Variants in EBF1 observed in about 807,000 individuals in gnomAD.
EBF1 encodes the protein transcription factor COE1.
Under a neutral mutation model 68.4 loss-of-function variants are expected in EBF1, and 10 were observed. The observed-to-expected ratio is 0.15, with a 90% CI of 0.09 to 0.25. EBF1 has a LOEUF of 0.25. Ranked by LOEUF, EBF1 falls within the 10% of genes least tolerant of loss-of-function variation. The pLI, the probability that EBF1 is intolerant of heterozygous loss-of-function variation, is 1.00. For synonymous variants in EBF1, 298 were observed against 299.8 expected (o/e 0.99, Z 0.06); for missense variants, 509 against 794.4 (o/e 0.64, Z 4.32).
chr5:158,985,183 G>A lies in EBF1; in HGVS notation c.554+88213C>T, dbSNP rs939449985. Among the ~76,000 whole-genome samples the A allele has an allele frequency of 2.6e-5, 4 of 152,144 alleles. No individual in the cohort carries two copies. In the East Asian group the frequency reaches 5.8e-4, roughly 22 times the overall value. ...ATGGCAATAGTCATGAAAATGATACGAGAATACCATTTGCAAGGAAATCTG... is the reference window on the plus strand; with the variant it reads ...ATGGCAATAGTCATGAAAATGATACAAGAATACCATTTGCAAGGAAATCTG... On this transcript the variant is annotated intron_variant, in intron 6 of 15. Coordinates refer to ENST00000313708, the MANE Select transcript of EBF1 (RefSeq NM_024007.5).
At position 158,760,316 on chromosome 5, in the gene EBF1, A is replaced by T. The variant is rs17056179; in HGVS notation, c.1036+17097T>A. ...CCATGGCCCAACGTGGCATAAGTGTATTGTTTTCAATTTAGTGACTTAACA... is the reference window on the plus strand; with the variant it reads ...CCATGGCCCAACGTGGCATAAGTGTTTTGTTTTCAATTTAGTGACTTAACA... On this transcript the variant is annotated intron_variant, in intron 10 of 15. Coordinates refer to ENST00000313708, the MANE Select transcript of EBF1 (RefSeq NM_024007.5). Among the ~76,000 whole-genome samples, 1,442 of 152,296 alleles carry T rather than the reference A, an allele frequency of 9.5e-3. 25 individuals carry two copies. The highest frequency in any genetic ancestry group is 0.033 in the African/African-American group (1,365 of 41,562).
intron 6 of EBF1, among the ~76,000 whole-genome samples, chr5:158,965,057 C>T (rs1268402961): frequency 5.9e-5 from 9 of 152,168 alleles, no homozygotes; most frequent in Non-Finnish European, 1.0e-4. Context: ...GAAAATGGCC[C>T]TGAACTATGA....
At chr5:159,066,086 T>C (rs1375051878) in intron 6 of EBF1, among the ~76,000 whole-genome samples, 1 of 152,196 alleles carries the variant, frequency 6.6e-6, no homozygotes, top group African/African-American at 2.4e-5. Context: ...TTTGTATTCA[T>C]GTCAATGATT....
chr5:158,956,452 C>G (rs116723094), intron 6 of EBF1, among the ~76,000 whole-genome samples: 3 of 151,784 alleles, frequency 2.0e-5, no homozygotes, highest in Non-Finnish European at 4.4e-5. Flanking sequence ...TTAGAATGCA[C>G]GCACACATAG....
chr5:158,796,668 C>A (rs994835852), intron 8 of EBF1, among the ~76,000 whole-genome samples, 193 bp from the exon 9 acceptor site: 1 of 152,180 alleles, frequency 6.6e-6, no homozygotes, highest in Non-Finnish European at 1.5e-5. Flanking sequence ...TAAAAGCATT[C>A]TTTTCATTGT....
intron 6 of EBF1, among the ~76,000 whole-genome samples, chr5:159,022,972 AATG>A (rs1430105011): frequency 6.6e-6 from 1 of 152,224 alleles, no homozygotes; most frequent in Non-Finnish European, 1.5e-5. Flanking sequence ...TATGAAATTA[AATG>A]ATTATATTAA....
intron 6 of EBF1, among the ~76,000 whole-genome samples, chr5:158,919,381 A>G (rs547923622): frequency 6.6e-6 from 1 of 152,298 alleles, no homozygotes; most frequent in Non-Finnish European, 1.5e-5. Context: ...AACACCAATC[A>G]TATCTGAGAG....
At chr5:158,785,038 G>A (rs1777150505) in intron 9 of EBF1, among the ~76,000 whole-genome samples, 1 of 152,102 alleles carries the variant, frequency 6.6e-6, no homozygotes, top group Non-Finnish European at 1.5e-5. Flanking sequence ...TTTAATTTAT[G>A]TATTAATAAT....
At chr5:159,088,703 G>A (rs926454368) in intron 4 of EBF1, among the ~76,000 whole-genome samples, 2 of 152,098 alleles carry the variant, frequency 1.3e-5, no homozygotes, top group Non-Finnish European at 1.5e-5. Context: ...TATGAGGAAG[G>A]TTGTCTGTTG....
At chr5:158,887,240 G>T (rs959741761) in intron 6 of EBF1, among the ~76,000 whole-genome samples, 1 of 152,028 alleles carries the variant, frequency 6.6e-6, no homozygotes, top group Non-Finnish European at 1.5e-5. Flanking sequence ...GAAAAATATG[G>T]CCAATAAAAC....
In EBF1 at chr5:158,887,863, A is replaced by G. The variant is rs188528580; in HGVS notation, c.555-47753T>C. On this transcript the variant is annotated intron_variant, in intron 6 of 15. Coordinates refer to ENST00000313708, the MANE Select transcript of EBF1 (RefSeq NM_024007.5). ...TGTTTATGATTCAAAGAGTGGGGGG[A>G]AAAGCCTTACCTTGAGCTCTGAAAA... Among the ~76,000 whole-genome samples, 11 of 152,270 alleles carry G rather than the reference A, an allele frequency of 7.2e-5. No individual in the cohort carries two copies. The East Asian group carries it at 1.4e-3, about 19-fold the overall frequency.
intron 6 of EBF1, among the ~76,000 whole-genome samples, chr5:158,959,517 C>T (rs1397107632): frequency 6.6e-6 from 1 of 152,126 alleles, no homozygotes; most frequent in Non-Finnish European, 1.5e-5. Context: ...GTCTGAATCT[C>T]CTGACCTCAG....
At chr5:159,049,625 G>C (rs1773132544) in intron 6 of EBF1, among the ~76,000 whole-genome samples, 1 of 152,196 alleles carries the variant, frequency 6.6e-6, no homozygotes, top group African/African-American at 2.4e-5. Context: ...TAGATATTTT[G>C]GTTGAGATCC....
At chr5:158,842,652 G>A (rs1423103464) in intron 6 of EBF1, among the ~76,000 whole-genome samples, 3 of 152,208 alleles carry the variant, frequency 2.0e-5, no homozygotes, top group African/African-American at 4.8e-5. Flanking sequence ...TGAAAATTGC[G>A]ATAAGGCAGA....
At chr5:159,042,348 C>T (rs1771373067) in intron 6 of EBF1, among the ~76,000 whole-genome samples, 3 of 152,182 alleles carry the variant, frequency 2.0e-5, no homozygotes, top group Non-Finnish European at 4.4e-5. Flanking sequence ...GCAAAATAAA[C>T]AAGTCCCAGG....
chr5:158,950,829 A>G (rs534917320), intron 6 of EBF1, among the ~76,000 whole-genome samples: 2 of 152,220 alleles, frequency 1.3e-5, no homozygotes, highest in African/African-American at 2.4e-5. Context: ...TCAAATCTCT[A>G]TTCCAAAGTA....
intron 6 of EBF1, among the ~76,000 whole-genome samples, chr5:159,057,166 G>A (rs1309232343): frequency 1.4e-5 from 2 of 145,050 alleles, no homozygotes; most frequent in Admixed American, 7.0e-5. Context: ...AAGTGCAATG[G>A]CACCATCTTG....
At chr5:158,854,628 A>G (rs1268086042) in intron 6 of EBF1, among the ~76,000 whole-genome samples, 1 of 152,236 alleles carries the variant, frequency 6.6e-6, no homozygotes, top group Non-Finnish European at 1.5e-5. Context: ...GTAGCATTTT[A>G]CAACCAATTA....
intron 7 of EBF1, among the ~76,000 whole-genome samples, chr5:158,836,005 C>T (rs906342179): frequency 6.6e-6 from 1 of 152,132 alleles, no homozygotes; most frequent in African/African-American, 2.4e-5. Flanking sequence ...TGCATTTATA[C>T]ACGTGAACAT....
Sources: allele counts gnomAD v4.1 joint callset (sites outside exome capture counted in the v4.1 genomes callset), GRCh38; gene constraint gnomAD v4.1.1; transcripts MANE v1.5; gene names NCBI Gene and HGNC (gene_info 2026-07-23, HGNC 2026-07-21).